EPM2A: variants seen among roughly 807,000 people sequenced by gnomAD.
The protein encoded by EPM2A is EPM2A glucan phosphatase, laforin.
In EPM2A, 21 loss-of-function variants were observed where a neutral mutation model predicts 26.5. That is an observed-to-expected ratio of 0.79 (90% CI 0.56 to 1.14). EPM2A has a LOEUF of 1.14. Ranked by LOEUF, EPM2A falls within the 50% of genes most tolerant of loss-of-function variation. EPM2A has a pLI of 0.00. For missense variants in EPM2A, 458 were observed against 440.8 expected (o/e 1.04, Z -0.35); for synonymous variants, 217 against 177.6 (o/e 1.22, Z -1.76).
chr6:145,492,181 G>A (rs118084303), intron 4 of EPM2A: 1 of 191,060 alleles, frequency 5.2e-6, no homozygotes, highest in East Asian at 1.7e-4. Context: ...ACTGGAGTGT[G>A]GGTCTTGGGG....
chr6:145,654,190 T>C (rs1469440631), intron 2 of EPM2A, among the ~76,000 whole-genome samples: 2 of 120,658 alleles, frequency 1.7e-5, no homozygotes, highest in African/African-American at 5.6e-5. Flanking sequence ...ACATAGACTA[T>C]GCAATTTTTT....
chr6:145,538,083 A>T (rs1780457815), intron 2 of EPM2A, among the ~76,000 whole-genome samples: 1 of 152,122 alleles, frequency 6.6e-6, no homozygotes, highest in South Asian at 2.1e-4. Context: ...GTGTCTTTAT[A>T]GAAGAATGAT....
intron 4 of EPM2A, among the ~76,000 whole-genome samples, chr6:145,473,052 C>G (rs1200015369): frequency 6.6e-6 from 1 of 151,658 alleles, no homozygotes; most frequent in Non-Finnish European, 1.5e-5. Context: ...AATGAATGAA[C>G]CAAATAAGCA....
intron 2 of EPM2A, among the ~76,000 whole-genome samples, chr6:145,508,543 A>T (rs1330540985): frequency 6.6e-6 from 1 of 151,002 alleles, no homozygotes; most frequent in Non-Finnish European, 1.5e-5. Flanking sequence ...TAAACAACAC[A>T]GTCATACCCT....
chr6:145,394,501 C>T (rs919727244), intron 4 of EPM2A, among the ~76,000 whole-genome samples: 1 of 152,126 alleles, frequency 6.6e-6, no homozygotes, highest in African/African-American at 2.4e-5. Context: ...GAAGCTTTGG[C>T]CAGAATAGAG....
At chr6:145,466,999 G>A (rs893698597) in intron 4 of EPM2A, among the ~76,000 whole-genome samples, 12 of 152,222 alleles carry the variant, frequency 7.9e-5, no homozygotes, top group African/African-American at 2.4e-4. Flanking sequence ...CTTGTGGGGC[G>A]GTGGGAGTGG....
chr6:145,394,853 T>G (rs925448154), intron 4 of EPM2A, among the ~76,000 whole-genome samples: 1 of 152,136 alleles, frequency 6.6e-6, no homozygotes, highest in African/African-American at 2.4e-5. Flanking sequence ...TACAGAAAAC[T>G]CCACTTACTT....
intron 4 of EPM2A, among the ~76,000 whole-genome samples, chr6:145,458,149 C>T (rs1336077521): frequency 6.6e-6 from 1 of 152,206 alleles, no homozygotes; most frequent in East Asian, 1.9e-4. Context: ...CAATGTTTTA[C>T]TTAAGTATAT....
intron 4 of EPM2A, among the ~76,000 whole-genome samples, chr6:145,419,654 T>G (rs1336821014): frequency 1.3e-5 from 2 of 152,196 alleles, no homozygotes; most frequent in Admixed American, 1.3e-4. Flanking sequence ...TGACACATTA[T>G]GTGTTTAGAA....
chr6:145,580,594 G>A (rs561294122), intron 2 of EPM2A, among the ~76,000 whole-genome samples: 1 of 152,172 alleles, frequency 6.6e-6, no homozygotes, highest in Non-Finnish European at 1.5e-5. Context: ...AAGAGGGTTT[G>A]GTGTACAGAT....
chr6:145,662,601 A>T (rs530919906), intron 2 of EPM2A, among the ~76,000 whole-genome samples: 1 of 152,288 alleles, frequency 6.6e-6, no homozygotes, highest in South Asian at 2.1e-4. Flanking sequence ...GCAAGTAGGA[A>T]TTTACAGTCA....
intron 1 of EPM2A, among the ~76,000 whole-genome samples, chr6:145,687,450 T>C (rs562549797): frequency 2.6e-5 from 4 of 152,228 alleles, no homozygotes; most frequent in African/African-American, 9.6e-5. Context: ...TACATACTAG[T>C]AAACCTTGAT....
At chr6:145,412,416 A>G (rs966711795) in intron 4 of EPM2A, among the ~76,000 whole-genome samples, 1 of 152,300 alleles carries the variant, frequency 6.6e-6, no homozygotes, top group African/African-American at 2.4e-5. Context: ...AAATGTCAAT[A>G]GGCACCTTAC....
intron 2 of EPM2A, among the ~76,000 whole-genome samples, chr6:145,600,642 C>T (rs1227564367): frequency 6.6e-6 from 1 of 152,140 alleles, no homozygotes; most frequent in East Asian, 1.9e-4. Flanking sequence ...TTTCCCTCAC[C>T]AGTTGCCTTG....
At chr6:145,467,358 A>G (rs866263853) in intron 4 of EPM2A, among the ~76,000 whole-genome samples, 3 of 152,036 alleles carry the variant, frequency 2.0e-5, no homozygotes, top group Non-Finnish European at 2.9e-5. Flanking sequence ...CATTAATTTC[A>G]CCACAGGGTA....
At chr6:145,634,040 T>G (rs1432682193) in intron 3 of EPM2A, among the ~76,000 whole-genome samples, 1 of 152,184 alleles carries the variant, frequency 6.6e-6, no homozygotes, top group Non-Finnish European at 1.5e-5. Context: ...GTAAATTGCT[T>G]AGGAGAGTGT....
chr6:145,667,862 T>A (rs1779334003), intron 2 of EPM2A, among the ~76,000 whole-genome samples: 1 of 150,052 alleles, frequency 6.7e-6, no homozygotes, highest in Admixed American at 6.6e-5. Flanking sequence ...ATGTCCTTTG[T>A]AGGGACGTGG....
intron 2 of EPM2A, among the ~76,000 whole-genome samples, chr6:145,681,618 C>T (rs1169285841): frequency 6.6e-6 from 1 of 151,124 alleles, no homozygotes; most frequent in Non-Finnish European, 1.5e-5. Context: ...TATGGCTAGC[C>T]AGTTTTCCCA....
chr6:145,420,964 C>G (rs944379090), intron 4 of EPM2A, among the ~76,000 whole-genome samples: 2 of 152,012 alleles, frequency 1.3e-5, no homozygotes, highest in African/African-American at 4.8e-5. Context: ...GAGAGCAGAG[C>G]CTTTGGGACC....
Sources: allele counts gnomAD v4.1 joint callset (sites outside exome capture counted in the v4.1 genomes callset), GRCh38; gene constraint gnomAD v4.1.1; transcripts MANE v1.5; gene names NCBI Gene and HGNC (gene_info 2026-07-23, HGNC 2026-07-21).